Variants in SBF2 observed in about 807,000 individuals in gnomAD.
The protein encoded by SBF2 is myotubularin-related protein 13.
In SBF2, 112 loss-of-function variants were observed where a neutral mutation model predicts 225.2. The observed-to-expected ratio is 0.50, with a 90% CI of 0.43 to 0.58. The LOEUF is 0.58. Among genes scored for constraint, SBF2 ranks in the 20% least tolerant of loss-of-function variants. SBF2 has a pLI of 0.00. For missense variants in SBF2, 1,996 were observed against 2,206.2 expected, an observed-to-expected ratio of 0.90 and a Z score of 1.91; for synonymous variants, 763 against 773.3, an observed-to-expected ratio of 0.99 and a Z score of 0.22.
intron 1 of SBF2, among the ~76,000 whole-genome samples, chr11:10,199,632 T>C (rs995137373): frequency 6.6e-6 from 1 of 152,204 alleles, no homozygotes; most frequent in Admixed American, 6.5e-5. Flanking sequence ...TCAGAAAATT[T>C]GAAGCAAAAA....
chr11:10,261,694 T>C (rs1961446340), intron 1 of SBF2, among the ~76,000 whole-genome samples: 1 of 152,228 alleles, frequency 6.6e-6, no homozygotes. Context: ...TAGCAGTTTA[T>C]TCATTATTGC....
intron 2 of SBF2, among the ~76,000 whole-genome samples, chr11:10,080,550 A>T (rs1951326767): frequency 6.6e-6 from 1 of 152,124 alleles, no homozygotes; most frequent in African/African-American, 2.4e-5. Context: ...AGACAGAGAA[A>T]AAAAAAAGAA....
intron 2 of SBF2, among the ~76,000 whole-genome samples, chr11:10,091,042 T>A (rs1349559315): frequency 6.6e-6 from 1 of 152,180 alleles, no homozygotes. Flanking sequence ...TAGGGATTGA[T>A]ACAGCTACTA....
At chr11:10,132,367 A>T (rs1291342716) in intron 2 of SBF2, among the ~76,000 whole-genome samples, 2 of 152,138 alleles carry the variant, frequency 1.3e-5, no homozygotes, top group Non-Finnish European at 2.9e-5. Flanking sequence ...TTCAAGAATG[A>T]AGCCGTGGAC....
intron 17 of SBF2, among the ~76,000 whole-genome samples, chr11:9,894,062 A>G (rs1057335498): frequency 3.2e-4 from 49 of 152,002 alleles, no homozygotes; most frequent in African/African-American, 1.2e-3. Context: ...CCTGGGCAAC[A>G]TGATGAAACT....
Position 9,829,699 on chromosome 11 carries a change from A to T in SBF2, c.3653-203T>A, listed in dbSNP as rs185605599. 737 of 545,370 alleles carry T rather than the reference A, an allele frequency of 1.4e-3. 5 individuals are homozygous for T. Among genetic ancestry groups the T allele is most frequent in the African/African-American group, 0.012 (654 of 52,924 alleles). The allele number at this position is 545,370 out of a possible 1,614,324, so 33.8% of individuals were successfully genotyped here. On this transcript the variant is annotated intron_variant, in intron 27 of 39. Coordinates refer to ENST00000256190, the MANE Select transcript of SBF2 (RefSeq NM_030962.4). The stretch of plus-strand genomic sequence containing the variant: ...AATCCTCCACTGTAATGCTGGTTTT[A>T]CCACACCTACTTCTTGATTGCCTCA...
chr11:9,890,231 C>G (rs1415488102), intron 17 of SBF2, among the ~76,000 whole-genome samples: 1 of 152,026 alleles, frequency 6.6e-6, no homozygotes, highest in Non-Finnish European at 1.5e-5. Context: ...TATTTACTTA[C>G]TTATTTTTGT....
At chr11:10,232,108 AG>A (rs1159129090) in intron 1 of SBF2, among the ~76,000 whole-genome samples, 1 of 152,242 alleles carries the variant, frequency 6.6e-6, no homozygotes, top group Non-Finnish European at 1.5e-5. Flanking sequence ...CCTCCGAGCC[AG>A]GTGCGGGATA....
rs960295475 is a variant in SBF2 at position 9,779,063 on chromosome 11, T to C, written c.*1355A>G. ...TTCTTAATTATCCCCAGATTTCTTATATATTAACACAGTTCTATTTCCTAG... is the reference window on the plus strand; with the variant it reads ...TTCTTAATTATCCCCAGATTTCTTACATATTAACACAGTTCTATTTCCTAG... On this transcript the variant is annotated 3_prime_UTR_variant, in exon 40 of 40. Transcript: ENST00000256190. The C allele has an allele frequency of 3.3e-5, 5 of 152,678 alleles. No homozygotes were observed. The highest frequency in any genetic ancestry group is 9.6e-5 in the African/African-American group (4 of 41,474). The allele number at this position is 152,678 out of a possible 1,614,324, so 9.5% of individuals were successfully genotyped here. A position where few individuals can be genotyped will look rare whatever the true frequency, so the allele number is the denominator to read the frequency against.
At chr11:9,861,388 G>A (rs1590247992) in intron 17 of SBF2, among the ~76,000 whole-genome samples, 2 of 152,142 alleles carry the variant, frequency 1.3e-5, no homozygotes, top group African/African-American at 4.8e-5. Context: ...TTGAGGCCAG[G>A]CACAGTGGCT....
At chr11:9,880,981 T>TTAA (rs913530810) in intron 17 of SBF2, among the ~76,000 whole-genome samples, 43 of 152,316 alleles carry the variant, frequency 2.8e-4, no homozygotes, top group African/African-American at 1.0e-3. Flanking sequence ...AATGCATGCC[T>TTAA]TAATCCTTTT....
intron 2 of SBF2, among the ~76,000 whole-genome samples, chr11:10,073,982 A>G (rs1471452805): frequency 6.6e-6 from 1 of 152,238 alleles, no homozygotes; most frequent in Non-Finnish European, 1.5e-5. Context: ...TTTATGAACA[A>G]AGTGATATGA....
At chr11:9,941,146 C>CAAAAAAAT (rs58084916) in intron 16 of SBF2, among the ~76,000 whole-genome samples, 3,969 of 151,698 alleles carry the variant, frequency 0.026, 176 homozygotes, top group African/African-American at 0.092. Flanking sequence ...CCTGTCTCTA[C>CAAAAAAAT]AAAAAAATAA....
At chr11:10,141,679 A>T (rs1438716796) in intron 2 of SBF2, among the ~76,000 whole-genome samples, 1 of 152,154 alleles carries the variant, frequency 6.6e-6, no homozygotes, top group African/African-American at 2.4e-5. Context: ...TTAGTTTCAT[A>T]ACTCTCTCAT....
At chr11:10,036,717 C>T (rs1949451948) in intron 3 of SBF2, among the ~76,000 whole-genome samples, 1 of 152,138 alleles carries the variant, frequency 6.6e-6, no homozygotes, top group Non-Finnish European at 1.5e-5. Flanking sequence ...ACTTCTCTTT[C>T]CAGTATCCTA....
At chr11:9,984,850 A>G (rs951733440) in intron 13 of SBF2, among the ~76,000 whole-genome samples, 3 of 152,218 alleles carry the variant, frequency 2.0e-5, no homozygotes, top group African/African-American at 4.8e-5. Context: ...TATGAAAGAA[A>G]GATACAGTCA....
At chr11:9,984,492 C>A (rs1368986151) in intron 13 of SBF2, among the ~76,000 whole-genome samples, 1 of 151,998 alleles carries the variant, frequency 6.6e-6, no homozygotes, top group African/African-American at 2.4e-5. Flanking sequence ...ATTCTAAAAG[C>A]CTGGAAAACA....
At chr11:9,988,688 C>T (rs957930094) in intron 13 of SBF2, among the ~76,000 whole-genome samples, 3 of 152,074 alleles carry the variant, frequency 2.0e-5, no homozygotes, top group African/African-American at 7.2e-5. Flanking sequence ...AAATGCAGAT[C>T]AAAGCCACAG....
At chr11:9,794,772 G>A (rs1853012713) in intron 33 of SBF2, among the ~76,000 whole-genome samples, 1 of 147,694 alleles carries the variant, frequency 6.8e-6, no homozygotes, top group Admixed American at 6.9e-5. Context: ...GTATGCAGAT[G>A]CTTAAGAAAT....
Sources: gnomAD v4.1 joint callset for allele counts (sites outside exome capture counted in the v4.1 genomes callset) on GRCh38, gnomAD v4.1.1 for gene constraint, MANE v1.5 for transcripts, NCBI Gene and HGNC (gene_info 2026-07-23, HGNC 2026-07-21) for gene names.